Variants in DNAH12 observed in about 807,000 individuals in gnomAD.
DNAH12 encodes dynein axonemal heavy chain 12.
In DNAH12, 285 loss-of-function variants were observed where a neutral mutation model predicts 371.5. The ratio of observed to expected loss-of-function variants is 0.77; its 90% CI spans 0.70 to 0.85. The LOEUF is 0.85. DNAH12 is among the 40% of genes least tolerant of loss of function. The pLI is 0.00. For missense variants in DNAH12, 3,611 were observed against 3,689.4 expected (o/e 0.98, Z 0.55); for synonymous variants, 1,200 against 1,213.0 (o/e 0.99, Z 0.22).
intron 11 of DNAH12, 128 bp from the exon 12 acceptor site, chr3:57,489,815 A>T: frequency 1.0e-6 from 1 of 976,022 alleles, no homozygotes; most frequent in Non-Finnish European, 1.4e-6. Flanking sequence ...AGTGACTAAA[A>T]TTTTTTCCCT....
chr3:57,488,848 A>C (rs779527800), intron 12 of DNAH12, among the ~76,000 whole-genome samples: 12 of 152,042 alleles, frequency 7.9e-5, no homozygotes, highest in Admixed American at 2.0e-4. Context: ...CCCTCTCTAA[A>C]AGGCAAAGTT....
intron 60 of DNAH12, among the ~76,000 whole-genome samples, chr3:57,342,342 G>C (rs1479385221): frequency 1.3e-5 from 2 of 151,804 alleles, no homozygotes; most frequent in Non-Finnish European, 2.9e-5. Context: ...CAGAATGGGA[G>C]AAAGTATTTG....
rs568007883 is a variant in DNAH12 at position 57,509,123 on chromosome 3, T to A, written c.542+17A>T. The A allele has an allele frequency of 7.3e-5, 117 of 1,598,252 alleles. No homozygotes were observed. Among genetic ancestry groups the A allele is most frequent in the Middle Eastern group, 5.0e-4 (3 of 5,960 alleles). ...CAAAAATTGGATGAAGTACTGTTTT[T>A]AAAATAATTTACTCACACAGGAGAT... is the stretch of plus-strand genomic sequence containing the variant. On this transcript the variant is annotated intron_variant, in intron 6 of 73. Coordinates refer to ENST00000495027, the MANE Select transcript of DNAH12 (RefSeq NM_001366028.2).
chr3:57,413,738 A>C lies in DNAH12; in HGVS notation c.6020+8T>G. ...ACTTCAGCATAACTTATCGAATTAA[A>C]TAGTTACCAATGTCCACAGTCAAAA... is the stretch of plus-strand genomic sequence containing the variant. On this transcript the variant is annotated splice_region_variant and intron_variant, in intron 39 of 73. Transcript: ENST00000495027. The C allele has an allele frequency of 4.5e-6, 7 of 1,548,342 alleles. No individual in the cohort carries two copies. The highest frequency in any genetic ancestry group is 6.1e-6 in the Non-Finnish European group (7 of 1,146,060).
chr3:57,389,291 T>A (rs1195023985), intron 45 of DNAH12, among the ~76,000 whole-genome samples: 4 of 151,870 alleles, frequency 2.6e-5, no homozygotes, highest in African/African-American at 4.8e-5. Flanking sequence ...TTTTTAATCA[T>A]CCTGCTAATA....
At chr3:57,508,304 C>A (rs554197878) in intron 7 of DNAH12, 78 bp downstream of exon 7, 2 of 1,319,716 alleles carry the variant, frequency 1.5e-6, no homozygotes, top group Non-Finnish European at 2.0e-6. Flanking sequence ...ATTTAGGATT[C>A]CATTTTAAAA....
At chr3:57,359,773 T>C (rs1228479270) in intron 58 of DNAH12, among the ~76,000 whole-genome samples, 1 of 152,078 alleles carries the variant, frequency 6.6e-6, no homozygotes, top group Non-Finnish European at 1.5e-5. Context: ...AATAAACTTG[T>C]AAAGTTTTGT....
At chr3:57,337,957 T>C (rs145608214) in intron 60 of DNAH12, among the ~76,000 whole-genome samples, 3,595 of 152,270 alleles carry the variant, frequency 0.024, 65 homozygotes, top group Admixed American at 0.035. Context: ...TTCTCCCGGA[T>C]TGGCCATATG....
At chr3:57,356,484 T>G (rs922205622) in intron 59 of DNAH12, among the ~76,000 whole-genome samples, 4 of 142,736 alleles carry the variant, frequency 2.8e-5, no homozygotes, top group Admixed American at 7.1e-5. Flanking sequence ...AATAAATAAA[T>G]AAATAAAATA....
At chr3:57,428,526 G>A in intron 34 of DNAH12, 107 bp downstream of exon 34, 1 of 1,519,814 alleles carries the variant, frequency 6.6e-7, no homozygotes, top group Non-Finnish European at 8.8e-7. Context: ...AATGCATAAG[G>A]ACAAACTGGT....
chr3:57,338,669 C>A lies in DNAH12; in HGVS notation c.9675-3729G>T, dbSNP rs555179319. The stretch of plus-strand genomic sequence containing the variant: ...GTGAGGAGCGCCTCTGCCCGGCCAC[C>A]CCGTCTGGGAAGTGAGGAGCGCCTC... On this transcript the variant is annotated intron_variant, in intron 60 of 73. Coordinates refer to ENST00000495027, the MANE Select transcript of DNAH12 (RefSeq NM_001366028.2). Among the ~76,000 whole-genome samples, 72 of 148,248 alleles carry A rather than the reference C, an allele frequency of 4.9e-4. 2 individuals are homozygous for A. The South Asian group carries it at 0.015, about 32-fold the overall frequency.
intron 34 of DNAH12, among the ~76,000 whole-genome samples, chr3:57,425,669 C>T (rs1023284973): frequency 2.0e-5 from 3 of 152,142 alleles, no homozygotes; most frequent in South Asian, 2.1e-4. Flanking sequence ...CACAATTATA[C>T]ATAACAATTG....
intron 58 of DNAH12, 125 bp from the exon 59 acceptor site, chr3:57,357,473 T>C (rs1263473498): frequency 6.6e-6 from 1 of 152,004 alleles, no homozygotes; most frequent in Non-Finnish European, 1.5e-5. Flanking sequence ...AGTTTAAGTA[T>C]GGTTTACAAG....
intron 17 of DNAH12, among the ~76,000 whole-genome samples, chr3:57,467,719 ATCT>A (rs1398224778): frequency 1.7e-4 from 26 of 152,204 alleles, no homozygotes; most frequent in African/African-American, 6.0e-4. Context: ...GGTCTGAGCA[ATCT>A]TCTACTGCCT....
chr3:57,390,906 A>G (rs2063609316), intron 45 of DNAH12, among the ~76,000 whole-genome samples: 1 of 152,140 alleles, frequency 6.6e-6, no homozygotes. Flanking sequence ...TATAAAACCA[A>G]ATTCCTGGGA....
At chr3:57,530,552 T>C (rs1015304064) in intron 2 of DNAH12, 1 of 693,684 alleles carries the variant, frequency 1.4e-6, no homozygotes, top group Admixed American at 2.1e-5. Flanking sequence ...TTTTAGATTG[T>C]TTTTTGTTTA....
rs1223593793 is a variant in DNAH12, at chr3:57,357,315, ACT to A, written c.9392_9393del (p.Glu3131ValfsTer6). ...GCGATGGGTCTATAGCCTTCTCGAG[ACT>A]CTGCTATTTTGAGTTCTGTTTTTTC... ...IAEKTELKIAESREGYRPIAK... is the reference protein window; with the variant it reads ...IAEKTELKIAXSREGYRPIAK... On this transcript the variant is annotated frameshift_variant, in exon 59 of 74. Transcript: ENST00000495027. LOFTEE classifies it high-confidence loss of function. 2.6e-5 allele frequency: 4 copies of A among 152,140 alleles called. No homozygotes were observed. Among genetic ancestry groups the A allele is most frequent in the African/African-American group, 7.2e-5 (3 of 41,500 alleles). 9.4% of individuals were successfully genotyped at this position (152,140 alleles called of 1,614,324 possible).
chr3:57,542,580 A>G, intron 2 of DNAH12, 121 bp downstream of exon 2: 9 of 1,094,404 alleles, frequency 8.2e-6, no homozygotes, highest in Non-Finnish European at 1.1e-5. Flanking sequence ...TTTTCTAATT[A>G]ACTTGAAAAT....
At chr3:57,371,965 A>AAAAAAAAAAAAAAT (rs1366790985) in intron 55 of DNAH12, among the ~76,000 whole-genome samples, 3 of 142,636 alleles carry the variant, frequency 2.1e-5, no homozygotes, top group African/African-American at 7.8e-5. Flanking sequence ...AAAAAAAAAA[A>AAAAAAAAAAAAAAT]TTCTTTCAAA....
Sources: allele counts gnomAD v4.1 joint callset (sites outside exome capture counted in the v4.1 genomes callset), GRCh38; gene constraint gnomAD v4.1.1; transcripts MANE v1.5; gene names NCBI Gene and HGNC (gene_info 2026-07-23, HGNC 2026-07-21).